EIF2S3B: variants seen among roughly 807,000 people sequenced by gnomAD.
The protein encoded by EIF2S3B is eukaryotic translation initiation factor 2 subunit 3B.
A neutral mutation model predicts 26.4 loss-of-function variants in EIF2S3B; 16 were observed. The ratio of observed to expected loss-of-function variants is 0.61; its 90% confidence interval spans 0.41 to 0.92. The LOEUF (loss-of-function observed/expected upper bound fraction) is 0.92. Ranked by LOEUF, EIF2S3B falls within the 40% of genes least tolerant of loss-of-function variation. The probability of loss-of-function intolerance (pLI) is 0.00; values close to 1 mark genes in which losing one functional copy is unlikely to be tolerated. For missense variants in EIF2S3B, 510 were observed against 575.5 expected (o/e 0.89, Z 1.16); for synonymous variants, 183 against 204.4 (o/e 0.90, Z 0.89).
chr12:10,517,168 A>G (rs1864766032), intron 1 of EIF2S3B, among the ~76,000 whole-genome samples: 1 of 152,124 alleles, frequency 6.6e-6, no homozygotes, highest in South Asian at 2.1e-4. Context: ...ATTGATTGGA[A>G]TAGTTTCAGA....
chr12:10,516,749 G>A (rs1864761855), intron 1 of EIF2S3B, among the ~76,000 whole-genome samples: 1 of 151,914 alleles, frequency 6.6e-6, no homozygotes, highest in Admixed American at 6.6e-5. Context: ...CTGTGGGTTT[G>A]TCATAGATAG....
Position 10,507,540 on chromosome 12 carries a change from AT to A in EIF2S3B, c.*223del. ...TGGCATAATGTTGGATTGAATCTAC[AT>A]TTTGGCAGAAGTTAAGCATTCCCAC... is the stretch of plus-strand genomic sequence containing the variant. On this transcript the variant is annotated 3_prime_UTR_variant, in exon 1 of 1. Coordinates refer to ENST00000538173, the MANE Select transcript of EIF2S3B (RefSeq NM_001357734.3). 1 of 607,126 alleles carries A rather than the reference AT, an allele frequency of 1.6e-6. No homozygotes were observed. The highest frequency in any genetic ancestry group is 2.1e-5 in the South Asian group (1 of 46,962). The allele number at this position is 607,126 out of a possible 1,614,324, so 37.6% of individuals were successfully genotyped here.
At chr12:10,517,211 G>T (rs147288175) in intron 1 of EIF2S3B, among the ~76,000 whole-genome samples, 3 of 152,112 alleles carry the variant, frequency 2.0e-5, no homozygotes, top group African/African-American at 7.2e-5. Flanking sequence ...TGTATCTCTG[G>T]TAGAATTCAG....
At position 10,506,250 on chromosome 12, in the gene EIF2S3B, C is replaced by T. The variant is rs1057046913; in HGVS notation, c.348C>T (p.Asp116=). 5 of 1,609,294 alleles carry T rather than the reference C, an allele frequency of 3.1e-6. No homozygotes were observed. In the Admixed American group the frequency reaches 8.3e-5, roughly 27 times the overall value. Residue 116 remains aspartate (D), a synonymous_variant, in exon 1 of 1, where the codon GAC becomes GAT. Transcript: ENST00000538173. The part of the protein sequence containing the change: ...GSSMPDEFPT[D]IPGTKGNFRL... ...GTATGCCTGATGAGTTTCCTACAGA[C>T]ATTCCAGGAACCAAAGGGAACTTCA...
rs1864656673 is a variant in EIF2S3B, at chr12:10,507,702, C to G, written c.*381C>G. Among the ~76,000 whole-genome samples, 1 of 152,172 alleles carries G rather than the reference C, an allele frequency of 6.6e-6. No individual in the cohort carries two copies. Among genetic ancestry groups the G allele is most frequent in the South Asian group, 2.1e-4 (1 of 4,832 alleles). ...CTGCCTCCCAGGTTCAAGCGATTCT[C>G]CTGCCTCAGCCCCCCAAGTAGCTGA... On this transcript the variant is annotated 3_prime_UTR_variant, in exon 1 of 1. Coordinates refer to ENST00000538173, the MANE Select transcript of EIF2S3B (RefSeq NM_001357734.3).
In EIF2S3B at chr12:10,506,047, C is replaced by T. The variant is rs757969315; in HGVS notation, c.145C>T (p.His49Tyr). ...QATINIGTIG[H>Y]VAHGKSTVVK... ...CACAATTAATATAGGTACAATTGGT[C>T]ATGTAGCTCATGGGAAATCCACAGT... Residue 49 changes from histidine (H) to tyrosine (Y), a missense_variant, in exon 1 of 1, where the codon CAT becomes TAT. By Grantham distance (83) the His-to-Tyr change is moderately conservative. Transcript: ENST00000538173. The T allele has an allele frequency of 1.5e-5, 24 of 1,602,932 alleles. No individual in the cohort carries two copies. The African/African-American group carries it at 3.1e-4, about 21-fold the overall frequency.
chr12:10,517,449 G>T (rs1468852131), intron 1 of EIF2S3B, among the ~76,000 whole-genome samples: 1 of 152,146 alleles, frequency 6.6e-6, no homozygotes, highest in East Asian at 1.9e-4. Flanking sequence ...TGTGGGAATG[G>T]TGGTGATATC....
Position 10,506,541 on chromosome 12 carries a change from T to G in EIF2S3B, c.639T>G (p.Gly213=). 1 of 1,591,908 alleles carries G rather than the reference T, an allele frequency of 6.3e-7. No individual in the cohort carries two copies. The highest frequency in any genetic ancestry group is 8.6e-7 in the Non-Finnish European group (1 of 1,159,738). The change falls in exon 1 of 1, where the codon GGT becomes GGG. Residue 213 remains glycine (G), a synonymous_variant. Coordinates refer to ENST00000538173, the MANE Select transcript of EIF2S3B (RefSeq NM_001357734.3). ...QYEQILAFVQ[G]TVAEGAPIIP... is the part of the protein sequence containing the mutation. ...AGCAGATCCTTGCGTTTGTCCAAGG[T>G]ACAGTAGCAGAGGGAGCTCCCATTA...
At chr12:10,508,525 C>CA, downstream of EIF2S3B, among the ~76,000 whole-genome samples, 572 of 62,990 alleles carry the variant, frequency 9.1e-3, 13 homozygotes, top group East Asian at 0.07. Flanking sequence ...TGTTAGAAAG[C>CA]AAAAAAAAAA....
chr12:10,510,720 T>A (rs1185031936), downstream of EIF2S3B, among the ~76,000 whole-genome samples: 1 of 152,168 alleles, frequency 6.6e-6, no homozygotes. Flanking sequence ...GGAAAAATAC[T>A]GTTGAGCCAG....
At chr12:10,509,098 T>A (rs1296411771), downstream of EIF2S3B, among the ~76,000 whole-genome samples, 1 of 152,122 alleles carries the variant, frequency 6.6e-6, no homozygotes, top group Non-Finnish European at 1.5e-5. Flanking sequence ...GCTCTATTAT[T>A]TCTCTATATC....
At chr12:10,508,525 C>CAAAAAAAAAAAAAAAAAAAAAAAG (rs1864671476), downstream of EIF2S3B, among the ~76,000 whole-genome samples, 3 of 62,972 alleles carry the variant, frequency 4.8e-5, no homozygotes, top group African/African-American at 1.1e-4. Flanking sequence ...TGTTAGAAAG[C>CAAAAAAAAAAAAAAAAAAAAAAAG]AAAAAAAAAA....
chr12:10,512,523 T>C (rs539596052), downstream of EIF2S3B, among the ~76,000 whole-genome samples: 2 of 152,284 alleles, frequency 1.3e-5, no homozygotes, highest in African/African-American at 2.4e-5. Context: ...TCCTTGACTG[T>C]CCTTTTCAGA....
intron 1 of EIF2S3B, among the ~76,000 whole-genome samples, chr12:10,519,357 T>G (rs1864803305): frequency 6.6e-6 from 1 of 151,708 alleles, no homozygotes; most frequent in African/African-American, 2.4e-5. Context: ...CAAAAATTAA[T>G]TCAAGATGGA....
chr12:10,518,974 C>G (rs924540083), intron 1 of EIF2S3B, among the ~76,000 whole-genome samples: 1 of 151,900 alleles, frequency 6.6e-6, no homozygotes, highest in South Asian at 2.1e-4. Context: ...CATCAAGCTA[C>G]CAATGACTTT....
Position 10,506,124 on chromosome 12 carries a change from A to G in EIF2S3B, c.222A>G (p.Glu74=). ...CCGTCAGGTTCAAAAATGAACTAGA[A>G]AGAAATATTACAATCAAGCTTGGAT... The part of the protein sequence containing the change: ...VHTVRFKNEL[E]RNITIKLGYA... Residue 74 remains glutamate (E), a synonymous_variant, in exon 1 of 1, where the codon GAA becomes GAG. Coordinates refer to ENST00000538173, the MANE Select transcript of EIF2S3B (RefSeq NM_001357734.3). 2 of 1,586,094 alleles carry G rather than the reference A, an allele frequency of 1.3e-6. No individual in the cohort carries two copies. Among genetic ancestry groups the G allele is most frequent in the Non-Finnish European group, 1.7e-6 (2 of 1,154,426 alleles).
exon 2 of EIF2S3B, chr12:10,522,868 C>G (rs1470514177): frequency 2.1e-6 from 1 of 471,300 alleles, no homozygotes; most frequent in East Asian, 3.2e-5. Context: ...CAGCCCTACA[C>G]CTGGACTTCA....
chr12:10,512,459 C>A (rs138103512), downstream of EIF2S3B, among the ~76,000 whole-genome samples: 1 of 152,144 alleles, frequency 6.6e-6, no homozygotes, highest in Non-Finnish European at 1.5e-5. Context: ...TCCTTTTTCT[C>A]AATTCAACAG....
At chr12:10,521,201 C>A (rs1168137973) in intron 1 of EIF2S3B, among the ~76,000 whole-genome samples, 1 of 152,136 alleles carries the variant, frequency 6.6e-6, no homozygotes, top group East Asian at 1.9e-4. Flanking sequence ...ACACAGTCTG[C>A]AATCTGCCAG....
Sources: allele counts gnomAD v4.1 joint callset (sites outside exome capture counted in the v4.1 genomes callset), GRCh38; gene constraint gnomAD v4.1.1; transcripts MANE v1.5; gene names NCBI Gene and HGNC (gene_info 2026-07-23, HGNC 2026-07-21).